The following UTRN variants were observed in gnomAD, a reference collection of about 807,000 sequenced individuals.
The protein encoded by UTRN is utrophin, also known as dystrophin-related protein 1.
UTRN carries 283 observed loss-of-function variants against 463.9 expected under a neutral mutation model. The ratio of observed to expected loss-of-function variants is 0.61; its 90% CI spans 0.55 to 0.67. The LOEUF is 0.67. Among genes scored for constraint, UTRN ranks in the 30% least tolerant of loss-of-function variants. The pLI, the probability that UTRN is intolerant of heterozygous loss-of-function variation, is 0.00. For synonymous variants in UTRN, 1,442 were observed against 1,431.5 expected (o/e 1.01, Z -0.17); for missense variants, 3,922 against 4,084.3 (o/e 0.96, Z 1.08).
intron 2 of UTRN, among the ~76,000 whole-genome samples, chr6:144,356,080 C>A (rs1241201699): frequency 6.6e-6 from 1 of 152,104 alleles, no homozygotes; most frequent in Admixed American, 6.5e-5. Context: ...CCTTCTGGAA[C>A]CTCAAAAGGG....
chr6:144,540,054 AAAG>A (rs1403585007), intron 45 of UTRN, among the ~76,000 whole-genome samples: 1 of 151,562 alleles, frequency 6.6e-6, no homozygotes, highest in Non-Finnish European at 1.5e-5. Flanking sequence ...AAAAAAAAAA[AAAG>A]AAATAAATAA....
chr6:144,750,934 G>A (rs1202347142), intron 55 of UTRN, among the ~76,000 whole-genome samples: 1 of 152,068 alleles, frequency 6.6e-6, no homozygotes, highest in East Asian at 1.9e-4. Context: ...CTCAGAGGTG[G>A]CATTTGTCAA....
At chr6:144,580,588 G>A (rs906432896) in intron 51 of UTRN, among the ~76,000 whole-genome samples, 1 of 152,160 alleles carries the variant, frequency 6.6e-6, no homozygotes, top group Non-Finnish European at 1.5e-5. Flanking sequence ...CCTGCTGCAA[G>A]GCTGTTAGGA....
chr6:144,580,759 T>C (rs1043063522), intron 51 of UTRN, among the ~76,000 whole-genome samples: 10 of 152,118 alleles, frequency 6.6e-5, no homozygotes, highest in African/African-American at 2.4e-4. Flanking sequence ...AGAGAAGTCA[T>C]AAAGGATAGT....
chr6:144,753,234 G>A (rs1791595044), intron 56 of UTRN, among the ~76,000 whole-genome samples: 1 of 152,184 alleles, frequency 6.6e-6, no homozygotes, highest in South Asian at 2.1e-4. Context: ...TCAGTAGGCT[G>A]TGTGCAGTTG....
At chr6:144,457,216 G>A (rs1788941041) in intron 19 of UTRN, among the ~76,000 whole-genome samples, 1 of 152,178 alleles carries the variant, frequency 6.6e-6, no homozygotes, top group African/African-American at 2.4e-5. Flanking sequence ...TAGAGAAAGG[G>A]AGATTCAGAT....
chr6:144,511,192 A>C, intron 35 of UTRN, 69 bp downstream of exon 35: 2 of 1,348,722 alleles, frequency 1.5e-6, no homozygotes, highest in Non-Finnish European at 1.9e-6. Flanking sequence ...AATGAATACA[A>C]CTTTGATTAA....
intron 14 of UTRN, among the ~76,000 whole-genome samples, chr6:144,445,890 G>C (rs1216470856): frequency 1.3e-5 from 2 of 151,982 alleles, no homozygotes; most frequent in Admixed American, 6.5e-5. Context: ...AGCCAGGCCT[G>C]CAGTGGGCAC....
Position 144,384,553 on chromosome 6 carries a change from C to T in UTRN, c.80-18570C>T, listed in dbSNP as rs189648263. The stretch of plus-strand genomic sequence containing the variant: ...TTTTGGTGCCAAAAAGGTTAGGGAC[C>T]GCCACATTAAACAACAACTCCTCAC... On this transcript the variant is annotated intron_variant, in intron 2 of 74. Coordinates refer to ENST00000367545, the MANE Select transcript of UTRN (RefSeq NM_007124.3). 5.9e-5 allele frequency among the ~76,000 whole-genome samples: 9 copies of T among 152,136 alleles called. No homozygotes were observed. The East Asian group carries it at 1.4e-3, about 23-fold the overall frequency.
intron 63 of UTRN, 36 bp downstream of exon 63, chr6:144,794,027 T>C: frequency 6.2e-7 from 1 of 1,606,998 alleles, no homozygotes; most frequent in Non-Finnish European, 8.5e-7. Flanking sequence ...TAGGATGTGT[T>C]GGCGAAGGGT....
intron 34 of UTRN, among the ~76,000 whole-genome samples, chr6:144,506,010 C>A (rs981142471): frequency 2.6e-5 from 4 of 151,890 alleles, no homozygotes; most frequent in African/African-American, 9.7e-5. Context: ...TTCTGTTATG[C>A]CCTTCTTTGT....
intron 53 of UTRN, among the ~76,000 whole-genome samples, chr6:144,701,556 T>C (rs969161247): frequency 1.3e-5 from 2 of 152,216 alleles, no homozygotes; most frequent in Non-Finnish European, 2.9e-5. Context: ...TCACTTTCCA[T>C]TGATTTCTTT....
chr6:144,552,174 A>G lies in UTRN; in HGVS notation c.6928+1092A>G, dbSNP rs765091143. 2.6e-5 allele frequency among the ~76,000 whole-genome samples: 4 copies of G among 152,372 alleles called. 1 individual carries two copies. In the South Asian group the frequency reaches 8.3e-4, roughly 32 times the overall value. ...ATAAATCCTAATATTTGTCAAGGGA[A>G]GAAAGTCAGCTACTCTCCCTGTAAA... is the stretch of plus-strand genomic sequence containing the variant. On this transcript the variant is annotated intron_variant, in intron 48 of 74. Transcript: ENST00000367545.
intron 10 of UTRN, among the ~76,000 whole-genome samples, chr6:144,437,024 C>T (rs1275074268): frequency 6.6e-6 from 1 of 150,928 alleles, no homozygotes; most frequent in Non-Finnish European, 1.5e-5. Context: ...ACAATCTTGG[C>T]TCACTGCAAC....
intron 66 of UTRN, among the ~76,000 whole-genome samples, chr6:144,824,029 A>G (rs2128754213): frequency 6.6e-6 from 1 of 152,274 alleles, no homozygotes; most frequent in Non-Finnish European, 1.5e-5. Context: ...GCTAAGTATG[A>G]TGTGTTTGAT....
At chr6:144,818,838 C>G (rs1779309705) in intron 65 of UTRN, among the ~76,000 whole-genome samples, 1 of 151,826 alleles carries the variant, frequency 6.6e-6, no homozygotes, top group Non-Finnish European at 1.5e-5. Flanking sequence ...TATTCTGAGA[C>G]CCAGATATTG....
intron 2 of UTRN, among the ~76,000 whole-genome samples, chr6:144,314,003 T>C (rs1012283971): frequency 2.0e-5 from 3 of 152,136 alleles, no homozygotes; most frequent in African/African-American, 7.2e-5. Flanking sequence ...ATATTTGTAA[T>C]GAAATGGAGT....
intron 51 of UTRN, among the ~76,000 whole-genome samples, chr6:144,629,878 T>C (rs1342061604): frequency 6.6e-6 from 1 of 152,204 alleles, no homozygotes; most frequent in African/African-American, 2.4e-5. Context: ...TTTAAAACAT[T>C]TTAAAGCATT....
At chr6:144,844,699 A>G (rs1485628348) in intron 73 of UTRN, among the ~76,000 whole-genome samples, 3 of 152,240 alleles carry the variant, frequency 2.0e-5, no homozygotes, top group Non-Finnish European at 4.4e-5. Flanking sequence ...AAAGTTGCTC[A>G]GCCAGCAAAT....
Sources: gnomAD v4.1 joint callset for allele counts (sites outside exome capture counted in the v4.1 genomes callset) on GRCh38, gnomAD v4.1.1 for gene constraint, MANE v1.5 for transcripts, NCBI Gene and HGNC (gene_info 2026-07-23, HGNC 2026-07-21) for gene names.